The following DCUN1D4 variants were observed in gnomAD, a reference collection of about 807,000 sequenced individuals.
DCUN1D4 encodes the protein DCN1-like protein 4.
DCUN1D4 carries 22 observed loss-of-function variants against 47.9 expected under a neutral mutation model. The ratio of observed to expected loss-of-function variants is 0.46; its 90% CI spans 0.33 to 0.66. The LOEUF is 0.66. Among genes scored for constraint, DCUN1D4 ranks in the 30% least tolerant of loss-of-function variants. DCUN1D4 has a pLI of 0.02. For missense variants in DCUN1D4, 301 were observed against 340.8 expected (o/e 0.88, Z 0.92); for synonymous variants, 121 against 112.2 (o/e 1.08, Z -0.50).
intron 8 of DCUN1D4, among the ~76,000 whole-genome samples, chr4:51,902,190 A>G (rs1486162635): frequency 6.6e-6 from 1 of 152,200 alleles, no homozygotes; most frequent in Non-Finnish European, 1.5e-5. Context: ...ATGGTCCAGA[A>G]TATGGTCTGC....
At chr4:51,905,601 A>C (rs1185968901) in intron 8 of DCUN1D4, among the ~76,000 whole-genome samples, 1 of 152,190 alleles carries the variant, frequency 6.6e-6, no homozygotes. Context: ...ACAAGATTAG[A>C]TGAAGAGAAT....
intron 8 of DCUN1D4, among the ~76,000 whole-genome samples, chr4:51,902,385 C>T (rs934151486): frequency 6.6e-6 from 1 of 152,186 alleles, no homozygotes; most frequent in African/African-American, 2.4e-5. Context: ...ACCTGTATGT[C>T]TTCTGTCACC....
chr4:51,908,273 G>A (rs746969637), intron 8 of DCUN1D4, among the ~76,000 whole-genome samples: 15 of 152,238 alleles, frequency 9.9e-5, no homozygotes, highest in South Asian at 2.1e-4. Flanking sequence ...ACAAAATTCC[G>A]TTGCTTTTTA....
intron 5 of DCUN1D4, among the ~76,000 whole-genome samples, chr4:51,879,784 A>T (rs1447141998): frequency 2.6e-5 from 4 of 152,226 alleles, no homozygotes; most frequent in Admixed American, 2.6e-4. Flanking sequence ...GAAAAAGTAC[A>T]CTTAATCCCA....
intron 1 of DCUN1D4, among the ~76,000 whole-genome samples, chr4:51,860,270 A>G (rs1724841244): frequency 6.6e-6 from 1 of 152,094 alleles, no homozygotes; most frequent in African/African-American, 2.4e-5. Context: ...TGGATATAGA[A>G]ATGGATAATT....
At chr4:51,846,085 T>C (rs755473834) in intron 1 of DCUN1D4, among the ~76,000 whole-genome samples, 4 of 152,138 alleles carry the variant, frequency 2.6e-5, no homozygotes, top group Non-Finnish European at 5.9e-5. Context: ...AGTCATAGCT[T>C]TCTCTTTTTC....
At chr4:51,836,318 G>C in the DCUN1D4 span, among the ~76,000 whole-genome samples, 151 of 152,286 alleles carry the variant, frequency 9.9e-4, 4 homozygotes, top group East Asian at 0.024. Context: ...GCTTTAACCT[G>C]TCTTAGCTGA....
the DCUN1D4 span, among the ~76,000 whole-genome samples, chr4:51,837,910 C>G: frequency 6.6e-6 from 1 of 152,118 alleles, no homozygotes; most frequent in Non-Finnish European, 1.5e-5. Context: ...GGCACTATTG[C>G]TCATACCTGC....
Position 51,843,783 on chromosome 4 carries a change from A to C in DCUN1D4, c.25+516A>C, listed in dbSNP as rs1721997836. 19 of 411,314 alleles carry C rather than the reference A, an allele frequency of 4.6e-5. No individual in the cohort carries two copies. The South Asian group carries it at 2.1e-3, about 45-fold the overall frequency. 25.5% of individuals were successfully genotyped at this position (411,314 alleles called of 1,614,324 possible). ...GCGCGGGGGCGGGGACAATGGGAAG[A>C]AGGGCTGGTTGGCGGGGGGGTGGGG... On this transcript the variant is annotated intron_variant, in intron 1 of 10. Coordinates refer to ENST00000334635, the MANE Select transcript of DCUN1D4 (RefSeq NM_001040402.3).
chr4:51,873,669 C>A (rs891828466), intron 3 of DCUN1D4, among the ~76,000 whole-genome samples: 2 of 152,186 alleles, frequency 1.3e-5, no homozygotes, highest in Admixed American at 6.5e-5. Flanking sequence ...CAGACAATTA[C>A]CAAATGAAAG....
Position 51,913,841 on chromosome 4 carries a change from A to T in DCUN1D4, c.*257A>T. ...ACGTCCTCACTGTGATTATGTGTAT[A>T]TTGCTGTTTAAATTTTGTATATGTG... On this transcript the variant is annotated 3_prime_UTR_variant, in exon 11 of 11. Transcript: ENST00000334635. 2.6e-6 allele frequency: 1 copy of T among 387,724 alleles called. No homozygotes were observed. Among genetic ancestry groups the T allele is most frequent in the Non-Finnish European group, 4.6e-6 (1 of 217,902 alleles). The allele number at this position is 387,724 out of a possible 1,614,324, so 24.0% of individuals were successfully genotyped here.
chr4:51,895,198 T>C (rs1731050129), intron 7 of DCUN1D4, among the ~76,000 whole-genome samples: 1 of 150,340 alleles, frequency 6.7e-6, no homozygotes, highest in Non-Finnish European at 1.5e-5. Context: ...GTTAAAATGC[T>C]GTTAAAAAAA....
intron 1 of DCUN1D4, among the ~76,000 whole-genome samples, chr4:51,862,050 A>G (rs753986174): frequency 6.5e-4 from 99 of 152,356 alleles, no homozygotes; most frequent in Non-Finnish European, 8.5e-4. Context: ...TACCTTAAGC[A>G]TGGCTGGGCT....
intron 8 of DCUN1D4, among the ~76,000 whole-genome samples, chr4:51,907,551 T>A (rs1733087125): frequency 6.6e-6 from 1 of 152,246 alleles, no homozygotes; most frequent in African/African-American, 2.4e-5. Flanking sequence ...TGTACCAATT[T>A]CTGACTTCAC....
At chr4:51,912,850 A>ATG (rs1381108976) in intron 9 of DCUN1D4, among the ~76,000 whole-genome samples, 1 of 152,236 alleles carries the variant, frequency 6.6e-6, no homozygotes, top group Non-Finnish European at 1.5e-5. Flanking sequence ...AGTGCTGGTT[A>ATG]TGTCAGGGGT....
Position 51,911,068 on chromosome 4 carries a change from A to G in DCUN1D4, c.616-2A>G, listed in dbSNP as rs1474273467. The G allele has an allele frequency of 6.2e-7, 1 of 1,613,478 alleles. No individual in the cohort carries two copies. The highest frequency in any genetic ancestry group is 8.5e-7 in the Non-Finnish European group (1 of 1,179,660). ...TCATCCTTGTTTTTGTTTGTTAAAC[A>G]GGAAAAGGACCAGCGCAGCCTAGAC... On this transcript the variant is annotated splice_acceptor_variant, in intron 8 of 10. Transcript: ENST00000334635. LOFTEE classifies it high-confidence loss of function.
chr4:51,902,555 A>G (rs150001945), intron 8 of DCUN1D4, among the ~76,000 whole-genome samples: 109 of 152,320 alleles, frequency 7.2e-4, no homozygotes, highest in African/African-American at 2.3e-3. Context: ...ATACAAATGT[A>G]TTCACTCCAA....
chr4:51,891,173 C>A (rs896640771), intron 6 of DCUN1D4, among the ~76,000 whole-genome samples: 2 of 152,248 alleles, frequency 1.3e-5, no homozygotes, highest in African/African-American at 4.8e-5. Flanking sequence ...TGTTTTAATA[C>A]ACTGTTCTAC....
intron 6 of DCUN1D4, among the ~76,000 whole-genome samples, chr4:51,889,218 G>A (rs190079633): frequency 2.0e-5 from 3 of 152,174 alleles, no homozygotes; most frequent in Non-Finnish European, 2.9e-5. Context: ...AAGAAAAAAT[G>A]TGCTAAATAA....
Sources: gnomAD v4.1 joint callset for allele counts (sites outside exome capture counted in the v4.1 genomes callset) on GRCh38, gnomAD v4.1.1 for gene constraint, MANE v1.5 for transcripts, NCBI Gene and HGNC (gene_info 2026-07-23, HGNC 2026-07-21) for gene names.